The following ARIH1 variants were observed in gnomAD, a reference collection of about 807,000 sequenced individuals.
ARIH1 encodes ariadne RBR E3 ubiquitin protein ligase 1, also known as E3 ubiquitin-protein ligase ARIH1.
In ARIH1, 8 loss-of-function variants were observed where a neutral mutation model predicts 85.0. That is an observed-to-expected ratio of 0.09 (90% CI 0.06 to 0.17). The LOEUF is 0.17. Among genes scored for constraint, ARIH1 ranks in the 10% least tolerant of loss-of-function variants. ARIH1 has a pLI of 1.00. For missense variants in ARIH1, 311 were observed against 718.1 expected (o/e 0.43, Z 6.48); for synonymous variants, 238 against 253.6 (o/e 0.94, Z 0.59).
At position 72,600,137 on chromosome 15, in the gene ARIH1, C is replaced by T. The variant is rs2064377217; in HGVS notation, c.*16845C>T. Reference sequence around the variant, plus strand: ...TAAAAATGTAAAAACTCAACTGTAGCTCCTTGTTTATACATATATTGGGGG... The same window carrying T: ...TAAAAATGTAAAAACTCAACTGTAGTTCCTTGTTTATACATATATTGGGGG... On this transcript the variant is annotated 3_prime_UTR_variant, in exon 14 of 14. Transcript: ENST00000379887. The T allele has an allele frequency of 6.6e-6, 1 of 152,176 alleles. No homozygotes were observed. Among genetic ancestry groups the T allele is most frequent in the Admixed American group, 6.5e-5 (1 of 15,276 alleles). 9.4% of individuals were successfully genotyped at this position (152,176 alleles called of 1,614,324 possible).
intron 2 of ARIH1, among the ~76,000 whole-genome samples, chr15:72,518,680 C>T (rs1285574419): frequency 6.6e-6 from 1 of 151,328 alleles, no homozygotes; most frequent in Admixed American, 6.6e-5. Flanking sequence ...TCCAGCTACT[C>T]AGGAGGCTGA....
chr15:72,578,054 T>G (rs941532922), intron 11 of ARIH1, among the ~76,000 whole-genome samples: 2 of 152,222 alleles, frequency 1.3e-5, no homozygotes, highest in African/African-American at 2.4e-5. Context: ...CTTTAGTGTC[T>G]TCTTCCTCAT....
chr15:72,519,477 T>G (rs1208297724), intron 2 of ARIH1, among the ~76,000 whole-genome samples: 7 of 15,224 alleles, frequency 4.6e-4, no homozygotes, highest in East Asian at 5.6e-3. Flanking sequence ...TTTTTTTTGT[T>G]TTTTTTTTTT....
chr15:72,484,724 T>C (rs540288764), intron 1 of ARIH1, among the ~76,000 whole-genome samples: 9 of 150,140 alleles, frequency 6.0e-5, no homozygotes, highest in African/African-American at 2.0e-4. Flanking sequence ...TATATGTATG[T>C]GTGTGTATAT....
intron 1 of ARIH1, among the ~76,000 whole-genome samples, chr15:72,511,671 T>G (rs955729805): frequency 6.6e-6 from 1 of 152,152 alleles, no homozygotes; most frequent in Non-Finnish European, 1.5e-5. Context: ...TTTTTGTAGA[T>G]TAATGGGATT....
intron 11 of ARIH1, 65 bp downstream of exon 11, chr15:72,572,230 G>A: frequency 9.2e-7 from 1 of 1,089,380 alleles, no homozygotes. Flanking sequence ...ATATTCATTA[G>A]AGAATAATTT....
chr15:72,526,884 T>C (rs949788817), intron 2 of ARIH1, among the ~76,000 whole-genome samples: 1 of 151,046 alleles, frequency 6.6e-6, no homozygotes, highest in Non-Finnish European at 1.5e-5. Flanking sequence ...TTTAAATCTC[T>C]GCAGATTAAT....
chr15:72,516,181 C>A (rs1264528225), intron 1 of ARIH1, among the ~76,000 whole-genome samples: 2 of 152,094 alleles, frequency 1.3e-5, no homozygotes, highest in Non-Finnish European at 2.9e-5. Context: ...CAAGTTGAGG[C>A]TCTTAACAAT....
intron 11 of ARIH1, among the ~76,000 whole-genome samples, chr15:72,579,308 C>T (rs2064285957): frequency 6.6e-6 from 1 of 152,110 alleles, no homozygotes; most frequent in Admixed American, 6.5e-5. Flanking sequence ...ATAGGTTCTT[C>T]TATCCCTGCA....
chr15:72,572,277 G>A (rs553814855), intron 11 of ARIH1, 112 bp downstream of exon 11: 29 of 738,582 alleles, frequency 3.9e-5, no homozygotes, highest in East Asian at 1.4e-4. Context: ...TCGCTTTGTC[G>A]CCCAGGCTGG....
intron 1 of ARIH1, among the ~76,000 whole-genome samples, chr15:72,482,878 G>A (rs528774331): frequency 1.4e-5 from 2 of 147,574 alleles, no homozygotes; most frequent in South Asian, 4.3e-4. Context: ...GCTTGCTGTG[G>A]TGCCCAGGCT....
chr15:72,475,256 C>A, intron 1 of ARIH1: 1 of 825,710 alleles, frequency 1.2e-6, no homozygotes, highest in Non-Finnish European at 1.7e-6. Flanking sequence ...TGGCGGAGGC[C>A]TTCGGTCGCC....
intron 1 of ARIH1, among the ~76,000 whole-genome samples, chr15:72,494,829 A>G (rs1367538552): frequency 1.3e-5 from 2 of 150,006 alleles, no homozygotes; most frequent in Non-Finnish European, 3.0e-5. Flanking sequence ...TTATTAGGAA[A>G]AAAAAAAAAA....
chr15:72,545,660 C>G (rs1300545484), intron 3 of ARIH1, among the ~76,000 whole-genome samples: 1 of 152,168 alleles, frequency 6.6e-6, no homozygotes, highest in Non-Finnish European at 1.5e-5. Flanking sequence ...AAACCTGTCT[C>G]AACTAAAAAT....
intron 1 of ARIH1, among the ~76,000 whole-genome samples, chr15:72,507,008 GTATGTATGTATGTATT>G (rs1210519806): frequency 1.8e-4 from 26 of 141,270 alleles, no homozygotes; most frequent in Admixed American, 1.2e-3. Flanking sequence ...ATGTATGTAT[GTATGTATGTATGTATT>G]TATTTATTTA....
At chr15:72,542,772 C>A (rs1287251908) in intron 2 of ARIH1, among the ~76,000 whole-genome samples, 1 of 152,002 alleles carries the variant, frequency 6.6e-6, no homozygotes, top group African/African-American at 2.4e-5. Context: ...GTCATTAGTT[C>A]CCTGTTGTCA....
rs952403264 is a variant in ARIH1, at chr15:72,591,276, T to C, written c.*7984T>C. Reference sequence around the variant, plus strand: ...AAGAAGAAATACAAAACCAACTCTTTATAGTAGACAGTTTATCCCCCAGAA... The same window carrying C: ...AAGAAGAAATACAAAACCAACTCTTCATAGTAGACAGTTTATCCCCCAGAA... On this transcript the variant is annotated 3_prime_UTR_variant, in exon 14 of 14. Transcript: ENST00000379887. 6.6e-6 allele frequency: 1 copy of C among 151,550 alleles called. No individual in the cohort carries two copies. The highest frequency in any genetic ancestry group is 1.5e-5 in the Non-Finnish European group (1 of 67,878). 9.4% of individuals were successfully genotyped at this position (151,550 alleles called of 1,614,324 possible). A position where few individuals can be genotyped will look rare whatever the true frequency, so the allele number is the denominator to read the frequency against.
chr15:72,587,035 G>A lies in ARIH1; in HGVS notation c.*3743G>A, dbSNP rs2064320032. 1 of 367,460 alleles carries A rather than the reference G, an allele frequency of 2.7e-6. No individual in the cohort carries two copies. Among genetic ancestry groups the A allele is most frequent in the Non-Finnish European group, 5.3e-6 (1 of 190,416 alleles). The allele number at this position is 367,460 out of a possible 1,614,324, so 22.8% of individuals were successfully genotyped here. A position where few individuals can be genotyped will look rare whatever the true frequency, so the allele number is the denominator to read the frequency against. ...TACTCTGGCCAAGTCCAGGTTTTAG[G>A]ACAATTTAATTTACTCTTATTTGGA... On this transcript the variant is annotated 3_prime_UTR_variant, in exon 14 of 14. Coordinates refer to ENST00000379887, the MANE Select transcript of ARIH1 (RefSeq NM_005744.5).
At chr15:72,498,241 ATG>A (rs1491278201) in intron 1 of ARIH1, among the ~76,000 whole-genome samples, 2 of 47,728 alleles carry the variant, frequency 4.2e-5, no homozygotes, top group Admixed American at 3.3e-4. Flanking sequence ...TGCAACCAAA[ATG>A]TTTTTTTTTT....
Sources: gnomAD v4.1 joint callset for allele counts (sites outside exome capture counted in the v4.1 genomes callset) on GRCh38, gnomAD v4.1.1 for gene constraint, MANE v1.5 for transcripts, NCBI Gene and HGNC (gene_info 2026-07-23, HGNC 2026-07-21) for gene names.